The following CDCA8 variants were observed in gnomAD, a reference collection of about 807,000 sequenced individuals.
CDCA8 encodes cell division cycle associated 8, also known as borealin.
A neutral mutation model predicts 40.0 loss-of-function variants in CDCA8; 25 were observed. The observed-to-expected ratio is 0.63, with a 90% CI of 0.46 to 0.87. The LOEUF (loss-of-function observed/expected upper bound fraction) is 0.87. Among genes scored for constraint, CDCA8 ranks in the 40% least tolerant of loss-of-function variants. The pLI is 0.00. For missense variants in CDCA8, 280 were observed against 348.4 expected (o/e 0.80, Z 1.56); for synonymous variants, 111 against 126.5 (o/e 0.88, Z 0.82).
chr1:37,707,983 A>G (rs1478937788), intron 9 of CDCA8, among the ~76,000 whole-genome samples: 1 of 152,212 alleles, frequency 6.6e-6, no homozygotes, highest in Non-Finnish European at 1.5e-5. Context: ...TCTGAAGGGT[A>G]CATCCAAGGA....
At chr1:37,705,360 C>A in intron 7 of CDCA8, 81 bp from the exon 8 acceptor site, 2 of 1,332,936 alleles carry the variant, frequency 1.5e-6, no homozygotes, top group Non-Finnish European at 1.0e-6. Context: ...CAACTTGAGG[C>A]CAGAGTAAGG....
Position 37,696,668 on chromosome 1 carries a change from T to C in CDCA8, c.264+718T>C, listed in dbSNP as rs1027135679. On this transcript the variant is annotated intron_variant, in intron 3 of 9. Coordinates refer to ENST00000373055, the MANE Select transcript of CDCA8 (RefSeq NM_001256875.2). The surrounding 1 kb of genome is among the most constrained non-coding windows in gnomAD (Gnocchi z 5.0). ...CACAGAGTCCCTAGGCACTCTAAAA[T>C]AATATACAAACAATGCGTGTGTATG... 6.6e-6 allele frequency among the ~76,000 whole-genome samples: 1 copy of C among 152,256 alleles called. No individual in the cohort carries two copies. The highest frequency in any genetic ancestry group is 6.5e-5 in the Admixed American group (1 of 15,286).
chr1:37,708,350 T>C lies in CDCA8; in HGVS notation c.827T>C (p.Ile276Thr). The change falls in exon 10 of 10, where the codon ATA (isoleucine) becomes ACA (threonine). Residue 276 changes from isoleucine to threonine, a missense_variant. Physicochemically the swap from Ile to Thr is moderately conservative, Grantham distance 89. Coordinates refer to ENST00000373055, the MANE Select transcript of CDCA8 (RefSeq NM_001256875.2). ...SNRLAQICSS[I>T]RTHK ...CGTCTCGCCCAAATCTGCAGCAGCA[T>C]ACGGACCCACAAATGAGACACCAAA... 1 of 1,614,158 alleles carries C rather than the reference T, an allele frequency of 6.2e-7. No individual in the cohort carries two copies.
chr1:37,694,087 C>T (rs1645507892), intron 2 of CDCA8, among the ~76,000 whole-genome samples: 1 of 152,176 alleles, frequency 6.6e-6, no homozygotes, highest in Non-Finnish European at 1.5e-5. Context: ...TTGCGGTGAG[C>T]TGAGAGCACG....
At chr1:37,694,017 C>T (rs973218720) in intron 2 of CDCA8, among the ~76,000 whole-genome samples, 1 of 152,128 alleles carries the variant, frequency 6.6e-6, no homozygotes, top group Non-Finnish European at 1.5e-5. Context: ...GCGCATACCT[C>T]TAATCCCAGC....
chr1:37,706,698 G>T (rs1391225615), intron 8 of CDCA8, among the ~76,000 whole-genome samples: 1 of 152,244 alleles, frequency 6.6e-6, no homozygotes, highest in African/African-American at 2.4e-5. Context: ...GCGAGTTGCT[G>T]ACCTCAGCCC....
chr1:37,708,539 CTGTT>C lies in CDCA8; in HGVS notation c.*174_*177del. 1 of 636,490 alleles carries C rather than the reference CTGTT, an allele frequency of 1.6e-6. No individual in the cohort carries two copies. Among genetic ancestry groups the C allele is most frequent in the Non-Finnish European group, 2.8e-6 (1 of 354,566 alleles). 39.4% of individuals were successfully genotyped at this position (636,490 alleles called of 1,614,324 possible). ...TCCCACACCAGTTAGGTAGAGCTGT[CTGTT>C]CACCCTCCCATCCCAGCTGATCCCA... On this transcript the variant is annotated 3_prime_UTR_variant, in exon 10 of 10. Transcript: ENST00000373055.
At chr1:37,708,267 G>C in intron 9 of CDCA8, 55 bp from the exon 10 acceptor site, 1 of 1,557,058 alleles carries the variant, frequency 6.4e-7, no homozygotes, top group Non-Finnish European at 8.9e-7. Flanking sequence ...GGAGGCCAAG[G>C]GGCAAGCCTG....
At chr1:37,699,409 G>C (rs1223356837) in intron 4 of CDCA8, among the ~76,000 whole-genome samples, 1 of 152,148 alleles carries the variant, frequency 6.6e-6, no homozygotes, top group African/African-American at 2.4e-5. Flanking sequence ...ATTGAAAAAG[G>C]AATGACTTTC....
chr1:37,701,192 G>T (rs1337709171), intron 5 of CDCA8, among the ~76,000 whole-genome samples: 1 of 152,178 alleles, frequency 6.6e-6, no homozygotes, highest in African/African-American at 2.4e-5. Flanking sequence ...TCCCAGTGTG[G>T]GAGTGGAGAT....
chr1:37,708,040 A>G (rs989253056), intron 9 of CDCA8, among the ~76,000 whole-genome samples: 1 of 152,164 alleles, frequency 6.6e-6, no homozygotes, highest in Non-Finnish European at 1.5e-5. Flanking sequence ...TTCTGAACAT[A>G]GGCCCAGTGC....
In CDCA8 at chr1:37,696,685, G is replaced by A. The variant is rs1401544450; in HGVS notation, c.264+735G>A. Among the ~76,000 whole-genome samples the A allele has an allele frequency of 3.3e-5, 5 of 152,232 alleles. No individual in the cohort carries two copies. The highest frequency in any genetic ancestry group is 2.1e-4 in the South Asian group (1 of 4,834). ...CTCTAAAATAATATACAAACAATGC[G>A]TGTGTATGCACGCATTTGTGTATCT... On this transcript the variant is annotated intron_variant, in intron 3 of 9. Coordinates refer to ENST00000373055, the MANE Select transcript of CDCA8 (RefSeq NM_001256875.2). This position sits in a 1 kb window ranked among gnomAD's most constrained non-coding sequence, Gnocchi z 5.0.
In CDCA8 at chr1:37,696,023, T is replaced by C. The variant is rs1645524449; in HGVS notation, c.264+73T>C. ...CCAGTCCCCAGATCCAACTAATAGATGCTTACTGTGGAAGAGGTTTCATAA... is the reference window on the plus strand; with the variant it reads ...CCAGTCCCCAGATCCAACTAATAGACGCTTACTGTGGAAGAGGTTTCATAA... On this transcript the variant is annotated intron_variant, in intron 3 of 9. Coordinates refer to ENST00000373055, the MANE Select transcript of CDCA8 (RefSeq NM_001256875.2). The surrounding 1 kb of genome is among the most constrained non-coding windows in gnomAD (Gnocchi z 5.0). The C allele has an allele frequency of 8.0e-7, 1 of 1,250,802 alleles. No individual in the cohort carries two copies. The allele number at this position is 1,250,802 out of a possible 1,614,324, so 77.5% of individuals were successfully genotyped here.
At chr1:37,703,519 C>T (rs528873972) in intron 7 of CDCA8, among the ~76,000 whole-genome samples, 172 bp downstream of exon 7, 76 of 152,286 alleles carry the variant, frequency 5.0e-4, no homozygotes, top group Middle Eastern at 3.4e-3. Flanking sequence ...AGTTCAAGAC[C>T]AGCCTGGCCA....
chr1:37,708,222 A>G (rs1645615953), intron 9 of CDCA8, 100 bp from the exon 10 acceptor site: 1 of 991,368 alleles, frequency 1.0e-6, no homozygotes, highest in Admixed American at 1.8e-5. Context: ...CATGTGTGAT[A>G]CAGATAGAGA....
chr1:37,700,136 G>C (rs1645554119), intron 4 of CDCA8, among the ~76,000 whole-genome samples: 1 of 152,138 alleles, frequency 6.6e-6, no homozygotes, highest in Non-Finnish European at 1.5e-5. Context: ...ATTCTTATAA[G>C]AACATCCTGA....
In CDCA8 at chr1:37,705,561, C is replaced by T. The variant is rs35181497; in HGVS notation, c.705C>T (p.Gly235=). 3.6e-4 allele frequency: 575 copies of T among 1,612,948 alleles called. 2 individuals are homozygous for T. The African/African-American group carries it at 6.7e-3, about 19-fold the overall frequency. ...KEIFLTVPVG[G]GESLRLLASD... ...TCTTCCTCACTGTGCCAGTGGGCGG[C>T]GGAGAGGTGAAGTATTTCCAAGGGA... Residue 235 remains glycine, a synonymous_variant, in exon 8 of 10, where the codon GGC becomes GGT. Transcript: ENST00000373055.
intron 3 of CDCA8, among the ~76,000 whole-genome samples, chr1:37,697,312 G>A (rs1439444021): frequency 1.3e-5 from 2 of 152,156 alleles, no homozygotes; most frequent in Non-Finnish European, 2.9e-5. Context: ...AATCAACAAA[G>A]GAGAAAATTG....
rs1182368635 is a variant in CDCA8, at chr1:37,708,373, A to G, written c.*7A>G. On this transcript the variant is annotated 3_prime_UTR_variant, in exon 10 of 10. Coordinates refer to ENST00000373055, the MANE Select transcript of CDCA8 (RefSeq NM_001256875.2). Reference sequence around the variant, plus strand: ...CATACGGACCCACAAATGAGACACCAAAGTTGACAGGATGGACTTTTAATG... The same window carrying G: ...CATACGGACCCACAAATGAGACACCGAAGTTGACAGGATGGACTTTTAATG... 6 of 1,613,918 alleles carry G rather than the reference A, an allele frequency of 3.7e-6. No individual in the cohort carries two copies. The highest frequency in any genetic ancestry group is 5.1e-6 in the Non-Finnish European group (6 of 1,179,804).
Sources: allele counts gnomAD v4.1 joint callset (sites outside exome capture counted in the v4.1 genomes callset), GRCh38; gene constraint gnomAD v4.1.1; non-coding constraint Gnocchi (gnomAD v3.1); transcripts MANE v1.5; gene names NCBI Gene and HGNC (gene_info 2026-07-23, HGNC 2026-07-21).